NPC1: variants seen among roughly 807,000 people sequenced by gnomAD.
The protein encoded by NPC1 is NPC intracellular cholesterol transporter 1, also known as Niemann-Pick C1 protein.
NPC1 carries 85 observed loss-of-function variants against 140.4 expected under a neutral mutation model. That is an observed-to-expected ratio of 0.61 (90% CI 0.51 to 0.72). NPC1 has a LOEUF of 0.72. Ranked by LOEUF, NPC1 falls within the 30% of genes least tolerant of loss-of-function variation. The pLI, the probability that NPC1 is intolerant of heterozygous loss-of-function variation, is 0.00. For synonymous variants in NPC1, 656 were observed against 624.8 expected, an observed-to-expected ratio of 1.05 and a Z score of -0.74; for missense variants, 1,504 against 1,623.8, an observed-to-expected ratio of 0.93 and a Z score of 1.27.
chr18:23,541,465 C>G (rs746031645), intron 14 of NPC1, 32 bp from the exon 15 acceptor site: 2 of 1,614,028 alleles, frequency 1.2e-6, no homozygotes, highest in Admixed American at 1.7e-5. Context: ...TGCGTCACTT[C>G]TGTTTACAGC....
At chr18:23,573,144 C>A (rs925736289) in intron 2 of NPC1, among the ~76,000 whole-genome samples, 1 of 152,208 alleles carries the variant, frequency 6.6e-6, no homozygotes, top group Non-Finnish European at 1.5e-5. Flanking sequence ...AACCAGCTAA[C>A]TTCTAATATA....
Position 23,516,084 on chromosome 18 carries a change from CA to C in NPC1, c.432-9443del, listed in dbSNP as rs1351152684. On this transcript the variant is annotated intron_variant, in intron 3 of 3. Transcript: ENST00000591107. ...CCTAATGTGTCAGGCACGTTAGGGA[CA>C]GGTTCCTCTAGCCGTAACGTCACCG... 3.2e-6 allele frequency: 5 copies of C among 1,575,868 alleles called. No individual in the cohort carries two copies. The Admixed American group carries it at 8.6e-5, about 27-fold the overall frequency.
intron 11 of NPC1, among the ~76,000 whole-genome samples, chr18:23,546,130 T>G (rs1008641614): frequency 2.0e-5 from 3 of 150,962 alleles, no homozygotes; most frequent in African/African-American, 7.3e-5. Flanking sequence ...GTGCCTGTAA[T>G]CCCAGCTACT....
At chr18:23,574,362 G>A (rs910887889) in intron 1 of NPC1, among the ~76,000 whole-genome samples, 3 of 152,076 alleles carry the variant, frequency 2.0e-5, no homozygotes, top group South Asian at 2.1e-4. Context: ...CCAGGGCCCC[G>A]GGCCTGCAAT....
intron 3 of NPC1, chr18:23,506,730 G>T (rs1046011652): frequency 2.5e-6 from 1 of 392,178 alleles, no homozygotes; most frequent in African/African-American, 2.1e-5. Context: ...TGATATGTGT[G>T]TGTGATCTGA....
intron 14 of NPC1, 58 bp from the exon 15 acceptor site, chr18:23,541,491 G>A: frequency 2.5e-6 from 4 of 1,611,308 alleles, no homozygotes; most frequent in Non-Finnish European, 2.5e-6. Context: ...GCTCTCTGCA[G>A]GTCTTATGTT....
chr18:23,529,747 G>A (rs1326742600), downstream of NPC1: 21 of 1,564,034 alleles, frequency 1.3e-5, no homozygotes, highest in Admixed American at 1.7e-5. Context: ...AGTTAAAACA[G>A]AAGGAATTTA....
downstream of NPC1, chr18:23,524,622 TCACTTTATACG>T: frequency 1.3e-6 from 1 of 778,558 alleles, no homozygotes; most frequent in African/African-American, 1.8e-5. Context: ...TTTTTTTTTT[TCACTTTATACG>T]TTTTTTACTA....
rs757537894 is a variant in NPC1, at chr18:23,534,427, C to T, written c.3591+19G>A. The T allele has an allele frequency of 1.9e-6, 3 of 1,562,398 alleles. No individual in the cohort carries two copies. Among genetic ancestry groups the T allele is most frequent in the Non-Finnish European group, 1.8e-6 (2 of 1,135,222 alleles). On this transcript the variant is annotated intron_variant, in intron 23 of 24. Coordinates refer to ENST00000269228, the MANE Select transcript of NPC1 (RefSeq NM_000271.5). ...TTGTGGTGCGACTCTGCCGGCGTGG[C>T]CCTGCTCAGGGTACTCACGGAGCTG...
chr18:23,523,292 G>T (rs1470780409), intron 1 of NPC1, among the ~76,000 whole-genome samples: 1 of 152,130 alleles, frequency 6.6e-6, no homozygotes, highest in African/African-American at 2.4e-5. Flanking sequence ...CTGCCTGCAT[G>T]GCTCATGAGC....
downstream of NPC1, chr18:23,529,036 A>G: frequency 7.3e-7 from 1 of 1,363,750 alleles, no homozygotes; most frequent in Non-Finnish European, 9.8e-7. Context: ...TGCGCACAGG[A>G]AAAAGTTGTA....
chr18:23,528,614 T>C (rs59350409), downstream of NPC1: 4,263 of 153,584 alleles, frequency 0.028, 202 homozygotes, highest in African/African-American at 0.098. Context: ...GCTGGGACAG[T>C]GTCCATTCCT....
chr18:23,538,509 T>C (rs1203233911), intron 20 of NPC1, 33 bp downstream of exon 20: 5 of 1,613,906 alleles, frequency 3.1e-6, no homozygotes, highest in Admixed American at 1.7e-5. Context: ...AAAGTTGCAG[T>C]GGATGCTTAT....
rs569453440 is a variant in NPC1, at chr18:23,546,339, T to C, written c.1758-1190A>G. Among the ~76,000 whole-genome samples, 6 of 146,206 alleles carry C rather than the reference T, an allele frequency of 4.1e-5. No homozygotes were observed. In the East Asian group the frequency reaches 6.1e-4, roughly 15 times the overall value. On this transcript the variant is annotated intron_variant, in intron 11 of 24. Coordinates refer to ENST00000269228, the MANE Select transcript of NPC1 (RefSeq NM_000271.5). Reference sequence around the variant, plus strand: ...AGATACCACTTCACACCCATGAAGATAGCTAGAATCACAAAGTCAGATAAT... The same window carrying C: ...AGATACCACTTCACACCCATGAAGACAGCTAGAATCACAAAGTCAGATAAT...
downstream of NPC1, chr18:23,526,853 G>T (rs932021596): frequency 6.6e-7 from 1 of 1,517,400 alleles, no homozygotes. Flanking sequence ...CTACATTGTT[G>T]TGTCTTGTCT....
At chr18:23,562,202 T>C (rs2059051577) in intron 4 of NPC1, among the ~76,000 whole-genome samples, 1 of 150,360 alleles carries the variant, frequency 6.7e-6, no homozygotes, top group African/African-American at 2.5e-5. Context: ...GGCGGGAGAA[T>C]GGCATGAACC....
At chr18:23,534,746 C>G (rs1367160415) in intron 22 of NPC1, among the ~76,000 whole-genome samples, 187 bp from the exon 23 acceptor site, 3 of 152,140 alleles carry the variant, frequency 2.0e-5, no homozygotes, top group Non-Finnish European at 4.4e-5. Context: ...TTGGGGCCCT[C>G]TCTACACACA....
At chr18:23,546,773 A>G (rs1036468345) in intron 11 of NPC1, among the ~76,000 whole-genome samples, 2 of 152,212 alleles carry the variant, frequency 1.3e-5, no homozygotes, top group East Asian at 1.9e-4. Context: ...TATGCACATA[A>G]AAGTCCAGAA....
At chr18:23,526,335 C>A (rs73967111), downstream of NPC1, among the ~76,000 whole-genome samples, 14 of 152,274 alleles carry the variant, frequency 9.2e-5, no homozygotes, top group Admixed American at 2.0e-4. Flanking sequence ...GGGAAGTCCC[C>A]GTTTGGAATG....
Sources: allele counts gnomAD v4.1 joint callset (sites outside exome capture counted in the v4.1 genomes callset), GRCh38; gene constraint gnomAD v4.1.1; transcripts MANE v1.5; gene names NCBI Gene and HGNC (gene_info 2026-07-23, HGNC 2026-07-21).